The following CNBD1 variants were observed in gnomAD, a reference collection of about 807,000 sequenced individuals.
CNBD1 encodes cyclic nucleotide binding domain containing 1.
In CNBD1, 71 loss-of-function variants were observed where a neutral mutation model predicts 54.4. That is an observed-to-expected ratio of 1.30 (90% CI 1.08 to 1.59). CNBD1 has a LOEUF of 1.59. Among genes scored for constraint, CNBD1 ranks in the 40% most tolerant of loss-of-function variants. The pLI is 0.00. For synonymous variants in CNBD1, 182 were observed against 170.7 expected (o/e 1.07, Z -0.51); for missense variants, 659 against 518.0 (o/e 1.27, Z -2.64).
intron 2 of CNBD1, among the ~76,000 whole-genome samples, chr8:87,422,659 C>T (rs1039671472): frequency 2.0e-5 from 3 of 152,064 alleles, no homozygotes; most frequent in Non-Finnish European, 4.4e-5. Context: ...CAGTACCATG[C>T]TGTTTTGGTT....
At chr8:86,984,460 A>T (rs1005228912) in intron 4 of CNBD1, among the ~76,000 whole-genome samples, 4 of 152,132 alleles carry the variant, frequency 2.6e-5, no homozygotes, top group African/African-American at 9.7e-5. Context: ...AGAAAGGTAG[A>T]TCCACCAACA....
chr8:87,427,964 C>T (rs1310076315), intron 2 of CNBD1, among the ~76,000 whole-genome samples: 1 of 152,086 alleles, frequency 6.6e-6, no homozygotes, highest in Non-Finnish European at 1.5e-5. Flanking sequence ...CCTTCTAAAT[C>T]CTATTGGTTT....
Position 87,221,543 on chromosome 8 carries a change from C to T in CNBD1, c.578-15376C>T, listed in dbSNP as rs77116020. Reference sequence around the variant, plus strand: ...TACATTTCAAGATCCATCATAAATGCTTCTTTTTCATAAAGTCATTCCATA... The same window carrying T: ...TACATTTCAAGATCCATCATAAATGTTTCTTTTTCATAAAGTCATTCCATA... On this transcript the variant is annotated intron_variant, in intron 5 of 10. Coordinates refer to ENST00000518476, the MANE Select transcript of CNBD1 (RefSeq NM_173538.3). 3.8e-3 allele frequency among the ~76,000 whole-genome samples: 572 copies of T among 152,140 alleles called. 2 individuals carry two copies. Among genetic ancestry groups the T allele is most frequent in the African/African-American group, 0.013 (548 of 41,524 alleles).
intron 1 of CNBD1, among the ~76,000 whole-genome samples, chr8:86,879,345 A>T (rs946163460): frequency 2.0e-5 from 3 of 152,228 alleles, no homozygotes; most frequent in Non-Finnish European, 2.9e-5. Context: ...GTCATAAAGA[A>T]AGATATTATT....
intron 4 of CNBD1, among the ~76,000 whole-genome samples, chr8:87,017,405 C>T (rs1192031186): frequency 1.3e-5 from 2 of 152,026 alleles, no homozygotes; most frequent in African/African-American, 2.4e-5. Context: ...TGGCAAAAAC[C>T]GTAAGTATTT....
chr8:86,934,436 T>C (rs1331113752), intron 3 of CNBD1, among the ~76,000 whole-genome samples: 1 of 152,158 alleles, frequency 6.6e-6, no homozygotes, highest in Non-Finnish European at 1.5e-5. Flanking sequence ...GATCACGTCA[T>C]CTGCAAAAAA....
chr8:87,344,354 A>G (rs1275902251), intron 8 of CNBD1, among the ~76,000 whole-genome samples: 2 of 152,090 alleles, frequency 1.3e-5, no homozygotes, highest in Admixed American at 6.5e-5. Context: ...AGGAGTTTAC[A>G]AAGTCTAATA....
chr8:87,041,342 T>C (rs191945753), intron 4 of CNBD1, among the ~76,000 whole-genome samples: 7 of 152,274 alleles, frequency 4.6e-5, no homozygotes, highest in Admixed American at 4.6e-4. Flanking sequence ...GGGGTTGTGG[T>C]GCAGAACTAA....
At chr8:87,415,762 T>C (rs369333901) in intron 2 of CNBD1, among the ~76,000 whole-genome samples, 2 of 151,804 alleles carry the variant, frequency 1.3e-5, no homozygotes, top group South Asian at 2.1e-4. Context: ...TAGATAAACC[T>C]CCTGCTTAAA....
At chr8:87,174,204 C>T (rs779472886) in intron 4 of CNBD1, among the ~76,000 whole-genome samples, 5 of 152,080 alleles carry the variant, frequency 3.3e-5, no homozygotes, top group African/African-American at 7.2e-5. Context: ...GTTATCTGCC[C>T]GCCTCGGCCT....
At chr8:86,956,631 T>G (rs201740386) in intron 4 of CNBD1, among the ~76,000 whole-genome samples, 2 of 151,998 alleles carry the variant, frequency 1.3e-5, no homozygotes, top group Non-Finnish European at 2.9e-5. Flanking sequence ...GGCTCTGTTT[T>G]TCTGTTATTG....
intron 6 of CNBD1, among the ~76,000 whole-genome samples, chr8:87,260,599 G>T (rs1297315679): frequency 1.3e-5 from 2 of 152,102 alleles, no homozygotes; most frequent in Non-Finnish European, 2.9e-5. Flanking sequence ...AGAAAAGCCA[G>T]AAATCTGACT....
At chr8:87,401,599 T>C (rs1192683730) in intron 2 of CNBD1, among the ~76,000 whole-genome samples, 1 of 152,028 alleles carries the variant, frequency 6.6e-6, no homozygotes, top group Non-Finnish European at 1.5e-5. Context: ...ATGATGCATA[T>C]TTCAGTTAGA....
intron 4 of CNBD1, among the ~76,000 whole-genome samples, chr8:87,150,088 A>C (rs2130747550): frequency 1.3e-5 from 2 of 152,154 alleles, no homozygotes; most frequent in Middle Eastern, 6.8e-3. Context: ...GAGGCAGGAG[A>C]ATGGCGTGAA....
intron 4 of CNBD1, among the ~76,000 whole-genome samples, chr8:87,156,653 CAG>C (rs1812749409): frequency 6.6e-6 from 1 of 152,164 alleles, no homozygotes; most frequent in East Asian, 1.9e-4. Flanking sequence ...GACGTATATT[CAG>C]AGAGTTTTGC....
intron 1 of CNBD1, 68 bp downstream of exon 1, chr8:86,866,651 T>A: frequency 8.2e-7 from 1 of 1,221,138 alleles, no homozygotes; most frequent in Non-Finnish European, 1.2e-6. Flanking sequence ...ACCCCAGCTA[T>A]GAAAATTGGG....
chr8:87,161,017 TATCATC>T (rs1261583815), intron 4 of CNBD1, among the ~76,000 whole-genome samples: 2 of 152,060 alleles, frequency 1.3e-5, no homozygotes, highest in African/African-American at 2.4e-5. Flanking sequence ...TCTTCATTGT[TATCATC>T]ATCATCATCA....
At chr8:87,099,274 A>G (rs1811383409) in intron 4 of CNBD1, among the ~76,000 whole-genome samples, 1 of 152,176 alleles carries the variant, frequency 6.6e-6, no homozygotes, top group Admixed American at 6.5e-5. Flanking sequence ...GGAGAGTGAT[A>G]GCAAAAGAGC....
rs535464491 is a variant in CNBD1 at position 87,026,336 on chromosome 8, G to A, written c.431+86582G>A. On this transcript the variant is annotated intron_variant, in intron 4 of 10. Coordinates refer to ENST00000518476, the MANE Select transcript of CNBD1 (RefSeq NM_173538.3). The stretch of plus-strand genomic sequence containing the variant: ...CTGCTCCTTTCTTCCTTCCCTTCTT[G>A]CTTCCTTCCCTTCTCCCTCCCTCCC... Among the ~76,000 whole-genome samples the A allele has an allele frequency of 4.9e-3, 719 of 148,048 alleles. 5 individuals carry two copies. Among genetic ancestry groups the A allele is most frequent in the Middle Eastern group, 0.034 (10 of 290 alleles).
Sources: allele counts gnomAD v4.1 joint callset (sites outside exome capture counted in the v4.1 genomes callset), GRCh38; gene constraint gnomAD v4.1.1; transcripts MANE v1.5; gene names NCBI Gene and HGNC (gene_info 2026-07-23, HGNC 2026-07-21).